The following MYT1L variants were observed in gnomAD, a reference collection of about 807,000 sequenced individuals.
The protein encoded by MYT1L is myelin transcription factor 1-like protein.
MYT1L carries 12 observed loss-of-function variants against 126.7 expected under a neutral mutation model. That is an observed-to-expected ratio of 0.09 (90% CI 0.06 to 0.15). The LOEUF is 0.15. Ranked by LOEUF, MYT1L falls within the 10% of genes least tolerant of loss-of-function variation. The pLI is 1.00. For missense variants in MYT1L, 979 were observed against 1,585.2 expected (o/e 0.62, Z 6.49); for synonymous variants, 541 against 604.2 (o/e 0.90, Z 1.53).
intron 1 of MYT1L, among the ~76,000 whole-genome samples, chr2:2,321,022 T>G (rs1229416485): frequency 6.6e-6 from 1 of 152,232 alleles, no homozygotes; most frequent in Non-Finnish European, 1.5e-5. Context: ...AATGCCATGC[T>G]GGCATGAGGT....
In MYT1L at chr2:2,202,649, A is replaced by T. The variant is rs141627402; in HGVS notation, c.-420-29661T>A. ...TAATTAATAGCTTACCAACCAAAAA[A>T]TGTTCAGGACCAGATGGATTCACAG... is the stretch of plus-strand genomic sequence containing the variant. On this transcript the variant is annotated intron_variant, in intron 2 of 24. Transcript: ENST00000647738. Among the ~76,000 whole-genome samples the T allele has an allele frequency of 9.2e-5, 14 of 152,250 alleles. No individual in the cohort carries two copies. In the East Asian group the frequency reaches 2.7e-3, roughly 29 times the overall value.
chr2:1,860,725 A>C (rs1380563989), intron 18 of MYT1L, among the ~76,000 whole-genome samples: 1 of 152,118 alleles, frequency 6.6e-6, no homozygotes, highest in Non-Finnish European at 1.5e-5. Context: ...AGATGCTTTC[A>C]CAAACAGTCC....
chr2:1,797,058 G>A (rs1050363598), intron 23 of MYT1L, among the ~76,000 whole-genome samples: 1 of 151,124 alleles, frequency 6.6e-6, no homozygotes, highest in African/African-American at 2.4e-5. Context: ...ATGCGTCTGG[G>A]GAATCGTGGA....
chr2:1,951,065 C>T (rs1287858610), intron 8 of MYT1L, among the ~76,000 whole-genome samples: 1 of 151,996 alleles, frequency 6.6e-6, no homozygotes, highest in Non-Finnish European at 1.5e-5. Context: ...CAGGTCTTTG[C>T]TGGCTTGGTT....
intron 5 of MYT1L, among the ~76,000 whole-genome samples, chr2:1,996,831 G>A (rs571538148): frequency 1.4e-5 from 2 of 144,366 alleles, no homozygotes; most frequent in African/African-American, 5.2e-5. Flanking sequence ...GCACAGAACC[G>A]AGTGTAGACG....
intron 21 of MYT1L, among the ~76,000 whole-genome samples, chr2:1,820,026 G>A (rs2038278631): frequency 7.4e-6 from 1 of 135,970 alleles, no homozygotes; most frequent in East Asian, 3.3e-4. Flanking sequence ...GAGGGCAGAG[G>A]GCAGTGGGGG....
intron 4 of MYT1L, among the ~76,000 whole-genome samples, chr2:2,013,651 G>C (rs1054284113): frequency 7.9e-5 from 12 of 152,264 alleles, no homozygotes; most frequent in African/African-American, 2.4e-4. Flanking sequence ...CTGCTCTGCA[G>C]ATCGGGGACA....
chr2:1,954,576 T>C (rs1247992462), intron 8 of MYT1L, among the ~76,000 whole-genome samples: 1 of 151,868 alleles, frequency 6.6e-6, no homozygotes. Flanking sequence ...GTGTGCTGTG[T>C]TCACAGCAAC....
chr2:1,864,343 CAG>C, intron 18 of MYT1L, among the ~76,000 whole-genome samples: 1 of 152,328 alleles, frequency 6.6e-6, no homozygotes, highest in East Asian at 1.9e-4. Context: ...GGAGTCTCCA[CAG>C]CCCTCCCTGC....
chr2:2,158,303 C>T (rs1160807342), intron 3 of MYT1L, among the ~76,000 whole-genome samples: 5 of 152,114 alleles, frequency 3.3e-5, no homozygotes, highest in African/African-American at 1.2e-4. Flanking sequence ...GCCATTGTTT[C>T]CTAGAAAAAA....
At chr2:2,115,460 AG>A (rs1280996415) in intron 3 of MYT1L, among the ~76,000 whole-genome samples, 1 of 152,250 alleles carries the variant, frequency 6.6e-6, no homozygotes, top group African/African-American at 2.4e-5. Context: ...TGACAGGCAT[AG>A]GAAGGTTCTC....
chr2:1,964,677 A>G (rs1558561839), intron 8 of MYT1L, among the ~76,000 whole-genome samples: 1 of 152,244 alleles, frequency 6.6e-6, no homozygotes, highest in Non-Finnish European at 1.5e-5. Flanking sequence ...TACTATTTAA[A>G]AAACAACAGA....
intron 2 of MYT1L, among the ~76,000 whole-genome samples, chr2:2,183,222 G>A (rs1310669774): frequency 6.6e-6 from 1 of 152,208 alleles, no homozygotes; most frequent in Admixed American, 6.5e-5. Flanking sequence ...GAGTAGTGAA[G>A]AGCCAGGTTG....
intron 3 of MYT1L, among the ~76,000 whole-genome samples, chr2:2,090,785 G>T (rs1383580200): frequency 6.6e-6 from 1 of 152,088 alleles, no homozygotes; most frequent in Non-Finnish European, 1.5e-5. Flanking sequence ...TATCAACTGG[G>T]CTTATGTAAT....
intron 15 of MYT1L, among the ~76,000 whole-genome samples, chr2:1,890,122 T>TGC (rs1188875877): frequency 2.0e-5 from 3 of 151,546 alleles, no homozygotes; most frequent in Admixed American, 2.0e-4. Flanking sequence ...CAGGCTGGAG[T>TGC]GCAGTGGCAC....
chr2:1,893,848 C>G (rs1053802786), intron 14 of MYT1L, among the ~76,000 whole-genome samples: 1 of 152,168 alleles, frequency 6.6e-6, no homozygotes, highest in Non-Finnish European at 1.5e-5. Context: ...TGGTTTGGGA[C>G]TGAAGGCTCT....
At position 2,280,552 on chromosome 2, in the gene MYT1L, C is replaced by T. The variant is rs534112668; in HGVS notation, c.-421+3852G>A. 3.3e-4 allele frequency among the ~76,000 whole-genome samples: 51 copies of T among 152,280 alleles called. No individual in the cohort carries two copies. In the South Asian group the frequency reaches 7.5e-3, roughly 22 times the overall value. ...ATCCGCCCTTGTGCACATTACATAA[C>T]GCTCTGCCTCAGGTCTCTCCTGCTG... On this transcript the variant is annotated intron_variant, in intron 2 of 24. Transcript: ENST00000647738.
intron 18 of MYT1L, among the ~76,000 whole-genome samples, chr2:1,855,351 C>CAGG (rs1291573358): frequency 6.6e-6 from 1 of 152,176 alleles, no homozygotes; most frequent in Admixed American, 6.5e-5. Context: ...GAAGGAAGCC[C>CAGG]AGGTGGGACA....
intron 21 of MYT1L, among the ~76,000 whole-genome samples, chr2:1,835,051 G>A (rs979228040): frequency 2.9e-5 from 4 of 139,084 alleles, no homozygotes; most frequent in Non-Finnish European, 6.2e-5. Flanking sequence ...CACATACCAC[G>A]GGGATGGATA....
Sources: allele counts gnomAD v4.1 joint callset (sites outside exome capture counted in the v4.1 genomes callset), GRCh38; gene constraint gnomAD v4.1.1; transcripts MANE v1.5; gene names NCBI Gene and HGNC (gene_info 2026-07-23, HGNC 2026-07-21).